Variants in ANKFN1 observed in about 807,000 individuals in gnomAD.
ANKFN1 encodes ankyrin repeat and fibronectin type-III domain-containing protein 1.
Under a neutral mutation model 108.7 loss-of-function variants are expected in ANKFN1, and 74 were observed. The observed-to-expected ratio is 0.68, with a 90% confidence interval of 0.56 to 0.83. The LOEUF is 0.83. ANKFN1 is among the 40% of genes least tolerant of loss of function. The pLI is 0.00. For synonymous variants in ANKFN1, 547 were observed against 516.2 expected (o/e 1.06, Z -0.81); for missense variants, 1,505 against 1,382.3 (o/e 1.09, Z -1.41).
At chr17:56,217,439 T>C (rs541977163) in intron 2 of ANKFN1, among the ~76,000 whole-genome samples, 2 of 152,358 alleles carry the variant, frequency 1.3e-5, no homozygotes, top group South Asian at 4.1e-4. Flanking sequence ...ACAGAATGCA[T>C]AGAGCAGTGG....
chr17:56,503,486 C>CATAT (rs3052391), intron 20 of ANKFN1, among the ~76,000 whole-genome samples: 1,904 of 81,192 alleles, frequency 0.023, 82 homozygotes, highest in African/African-American at 0.055. Flanking sequence ...GCACAAATTT[C>CATAT]ATATATATAT....
At chr17:56,468,369 G>T (rs1391399033) in intron 15 of ANKFN1, among the ~76,000 whole-genome samples, 5 of 152,042 alleles carry the variant, frequency 3.3e-5, no homozygotes, top group Non-Finnish European at 7.4e-5. Context: ...CGCTCTCTCT[G>T]CCTCACACAT....
chr17:56,118,326 G>A (rs2094601735), intron 4 of ANKFN1, among the ~76,000 whole-genome samples: 4 of 152,100 alleles, frequency 2.6e-5, no homozygotes, highest in African/African-American at 9.7e-5. Flanking sequence ...CTCAAAAGTA[G>A]CCACAACATA....
chr17:56,334,300 A>C (rs756394766), intron 4 of ANKFN1, among the ~76,000 whole-genome samples: 1 of 151,872 alleles, frequency 6.6e-6, no homozygotes, highest in Non-Finnish European at 1.5e-5. Context: ...TTCCCTAGAA[A>C]CTGTGGGGGC....
chr17:56,218,768 A>C (rs1915626134), intron 2 of ANKFN1, among the ~76,000 whole-genome samples: 1 of 152,202 alleles, frequency 6.6e-6, no homozygotes, highest in African/African-American at 2.4e-5. Flanking sequence ...CTCTCCCTGG[A>C]ATTCATACCC....
intron 4 of ANKFN1, among the ~76,000 whole-genome samples, chr17:56,339,030 T>A (rs565547361): frequency 6.6e-6 from 1 of 152,260 alleles, no homozygotes; most frequent in East Asian, 1.9e-4. Context: ...GAACAAGGAA[T>A]GTCTTTCTAT....
chr17:56,263,292 T>C (rs1010868270), intron 3 of ANKFN1, among the ~76,000 whole-genome samples: 4 of 152,198 alleles, frequency 2.6e-5, no homozygotes, highest in African/African-American at 9.7e-5. Flanking sequence ...AGCAGGCTAA[T>C]TATAGGGATT....
intron 3 of ANKFN1, among the ~76,000 whole-genome samples, chr17:56,280,775 C>G (rs1598346896): frequency 6.6e-6 from 1 of 152,014 alleles, no homozygotes; most frequent in African/African-American, 2.4e-5. Context: ...ATAGTCAGAG[C>G]AATCTTGCAA....
Position 56,512,415 on chromosome 17 carries a change from A to G in ANKFN1, c.*1146A>G, listed in dbSNP as rs2051803802. On this transcript the variant is annotated 3_prime_UTR_variant, in exon 21 of 21. Coordinates refer to ENST00000682825, the MANE Select transcript of ANKFN1 (RefSeq NM_001370326.1). ...ATTTGCCTCAAAATCATCTGGCCCAATTGGCATCAGGGAAAATATGCTCAG... is the reference window on the plus strand; with the variant it reads ...ATTTGCCTCAAAATCATCTGGCCCAGTTGGCATCAGGGAAAATATGCTCAG... 1.3e-5 allele frequency among the ~76,000 whole-genome samples: 2 copies of G among 152,326 alleles called. No homozygotes were observed. The highest frequency in any genetic ancestry group is 6.5e-5 in the Admixed American group (1 of 15,302).
At chr17:56,418,980 G>A (rs2048319995) in intron 8 of ANKFN1, among the ~76,000 whole-genome samples, 1 of 152,162 alleles carries the variant, frequency 6.6e-6, no homozygotes, top group African/African-American at 2.4e-5. Context: ...CGATCTCAGG[G>A]GGATTAGAGT....
chr17:56,268,172 C>T (rs1003174487), intron 3 of ANKFN1, among the ~76,000 whole-genome samples: 3 of 152,106 alleles, frequency 2.0e-5, no homozygotes, highest in Admixed American at 6.6e-5. Context: ...ACTCACCACA[C>T]GCTTGGCCAT....
At chr17:56,122,110 T>C (rs185529835) in intron 4 of ANKFN1, among the ~76,000 whole-genome samples, 4 of 152,286 alleles carry the variant, frequency 2.6e-5, no homozygotes, top group Middle Eastern at 3.4e-3. Flanking sequence ...ACCCCTAGAA[T>C]TGGACAGTCT....
In ANKFN1 at chr17:56,074,404, C is replaced by A. The variant is rs562009682; in HGVS notation, c.288+28079C>A. On this transcript the variant is annotated intron_variant, in intron 4 of 12. Coordinates refer to the ANKFN1 transcript ENST00000635860. ...GAGACCCCTCTGACACTGCGTGAGC[C>A]CTTGATGGCTGAAGCAGCACCAGGC... Among the ~76,000 whole-genome samples the A allele has an allele frequency of 5.9e-5, 9 of 152,310 alleles. 1 individual carries two copies. In the South Asian group the frequency reaches 1.9e-3, roughly 32 times the overall value.
At chr17:56,068,212 C>T (rs1367029415) in intron 4 of ANKFN1, among the ~76,000 whole-genome samples, 1 of 152,086 alleles carries the variant, frequency 6.6e-6, no homozygotes. Context: ...CATCCCTTGA[C>T]CCCAGTATCC....
At chr17:56,053,932 G>A (rs374572405) in intron 4 of ANKFN1, among the ~76,000 whole-genome samples, 1 of 152,154 alleles carries the variant, frequency 6.6e-6, no homozygotes, top group Non-Finnish European at 1.5e-5. Flanking sequence ...TGAATTCTGA[G>A]ATTTTAGTGC....
chr17:56,260,662 T>C (rs1220385683), intron 3 of ANKFN1, among the ~76,000 whole-genome samples: 1 of 152,184 alleles, frequency 6.6e-6, no homozygotes, highest in Admixed American at 6.5e-5. Flanking sequence ...GTCTGGGGTT[T>C]TGCCAAACCC....
intron 4 of ANKFN1, among the ~76,000 whole-genome samples, chr17:56,047,911 CTCTT>C (rs778849817): frequency 1.2e-4 from 18 of 152,146 alleles, no homozygotes; most frequent in African/African-American, 2.2e-4. Flanking sequence ...ATGCCTGTGA[CTCTT>C]TATTTTTTCC....
chr17:56,440,431 G>A lies in ANKFN1; in HGVS notation c.1008+7G>A, dbSNP rs1181000316. The stretch of plus-strand genomic sequence containing the variant: ...AATCACAGGACTTACAATGGTAAAT[G>A]TCCCCAGTAGACTTTTCATTTCCCT... On this transcript the variant is annotated splice_region_variant and intron_variant, in intron 9 of 20. Transcript: ENST00000682825. 1 of 1,597,712 alleles carries A rather than the reference G, an allele frequency of 6.3e-7. No individual in the cohort carries two copies. Among genetic ancestry groups the A allele is most frequent in the Non-Finnish European group, 8.6e-7 (1 of 1,166,296 alleles).
intron 18 of ANKFN1, 169 bp downstream of exon 18, chr17:56,482,693 A>C (rs1852099583): frequency 2.9e-6 from 2 of 686,382 alleles, no homozygotes; most frequent in South Asian, 4.1e-5. Flanking sequence ...GCAAAGCTCC[A>C]AGACTATGTG....
Sources: gnomAD v4.1 joint callset for allele counts (sites outside exome capture counted in the v4.1 genomes callset) on GRCh38, gnomAD v4.1.1 for gene constraint, MANE v1.5 for transcripts, NCBI Gene and HGNC (gene_info 2026-07-23, HGNC 2026-07-21) for gene names.